Variants in C3orf49 observed in about 807,000 individuals in gnomAD.
C3orf49 encodes the protein chromosome 3 open reading frame 49, also known as putative uncharacterized protein C3orf49.
Under a neutral mutation model 13.3 loss-of-function variants are expected in C3orf49, and 27 were observed. That is an observed-to-expected ratio of 2.02 (90% CI 1.49 to 2.79). The LOEUF (loss-of-function observed/expected upper bound fraction) is 2.79, where lower values mean the gene tolerates loss of function less well. C3orf49 is among the 30% of genes most tolerant of loss of function. The probability of loss-of-function intolerance (pLI) is 0.00; values close to 1 mark genes in which losing one functional copy is unlikely to be tolerated. For synonymous variants in C3orf49, 87 were observed against 47.6 expected (o/e 1.83, Z -3.40); for missense variants, 242 against 134.2 (o/e 1.80, Z -3.97).
At chr3:63,786,514 G>T in the C3orf49 span, among the ~76,000 whole-genome samples, 8,300 of 152,192 alleles carry the variant, frequency 0.055, 455 homozygotes, top group African/African-American at 0.14. Flanking sequence ...GCTTGTTGAT[G>T]GAAAGAATGG....
At chr3:63,792,518 T>C in the C3orf49 span, among the ~76,000 whole-genome samples, 1 of 152,162 alleles carries the variant, frequency 6.6e-6, no homozygotes, top group Non-Finnish European at 1.5e-5. Context: ...CCCTTTCTCT[T>C]GGTGTCACAA....
At chr3:63,828,590 G>A (rs745675414) in intron 3 of C3orf49, among the ~76,000 whole-genome samples, 8 of 152,046 alleles carry the variant, frequency 5.3e-5, no homozygotes, top group Non-Finnish European at 1.0e-4. Flanking sequence ...GTAAGCCACC[G>A]TTACTGGCCA....
chr3:63,837,965 A>G (rs200510475), intron 5 of C3orf49: 9 of 1,605,794 alleles, frequency 5.6e-6, no homozygotes, highest in Non-Finnish European at 7.6e-6. Context: ...TAAATCCCTC[A>G]AAACCCTTAC....
the C3orf49 span, among the ~76,000 whole-genome samples, chr3:63,785,059 CTTCTTCTTTT>C: frequency 1.8e-4 from 21 of 116,262 alleles, no homozygotes; most frequent in African/African-American, 6.4e-4. Context: ...GACTTCTCTT[CTTCTTCTTTT>C]TTTTTTTTTT....
At chr3:63,844,973 A>G (rs766145610) in intron 5 of C3orf49, 50 bp from the exon 6 acceptor site, 8 of 661,876 alleles carry the variant, frequency 1.2e-5, no homozygotes, top group Middle Eastern at 4.9e-4. Context: ...AGAATCATAA[A>G]TAAAGACAAT....
intron 1 of C3orf49, among the ~76,000 whole-genome samples, chr3:63,821,574 A>C (rs1016960258): frequency 6.6e-6 from 1 of 152,164 alleles, no homozygotes; most frequent in Non-Finnish European, 1.5e-5. Flanking sequence ...GTGAATAGTT[A>C]AACAAAGTGT....
chr3:63,817,035 A>T (rs1701332439), upstream of C3orf49, among the ~76,000 whole-genome samples: 1 of 151,624 alleles, frequency 6.6e-6, no homozygotes, highest in Admixed American at 6.6e-5. Flanking sequence ...CGGCCTCCCA[A>T]AGTGCTGGGA....
intron 6 of C3orf49, among the ~76,000 whole-genome samples, chr3:63,845,347 C>T (rs137873055): frequency 2.6e-5 from 4 of 152,226 alleles, no homozygotes; most frequent in East Asian, 1.9e-4. Context: ...TACATTGTTT[C>T]GGCTCCCACT....
At chr3:63,779,934 A>T in the C3orf49 span, 1 of 152,108 alleles carries the variant, frequency 6.6e-6, no homozygotes. Context: ...CCCAATTGGA[A>T]TTTCTTCATC....
chr3:63,795,468 A>G, the C3orf49 span, among the ~76,000 whole-genome samples: 1 of 152,130 alleles, frequency 6.6e-6, no homozygotes, highest in Non-Finnish European at 1.5e-5. Context: ...TTTGTTCAAA[A>G]TGCCAAGAAT....
the C3orf49 span, among the ~76,000 whole-genome samples, chr3:63,791,994 G>A: frequency 1.3e-5 from 2 of 152,172 alleles, no homozygotes; most frequent in African/African-American, 4.8e-5. Flanking sequence ...TACACTCAGA[G>A]ACATACATAC....
intron 5 of C3orf49, 93 bp from the exon 6 acceptor site, chr3:63,844,930 A>AAAATGTGGAAGCTATAATACCTG: frequency 1.7e-6 from 1 of 580,534 alleles, no homozygotes; most frequent in Non-Finnish European, 3.1e-6. Context: ...ATAATACCTG[A>AAAATGTGGAAGCTATAATACCTG]AAATGTGGAA....
At chr3:63,820,159 T>C (rs1445923796) in intron 1 of C3orf49, among the ~76,000 whole-genome samples, 1 of 152,186 alleles carries the variant, frequency 6.6e-6, no homozygotes, top group East Asian at 1.9e-4. Flanking sequence ...AGTGTGGTGA[T>C]TTATTTTCCA....
chr3:63,810,253 C>T, the C3orf49 span, among the ~76,000 whole-genome samples: 1 of 152,058 alleles, frequency 6.6e-6, no homozygotes, highest in African/African-American at 2.4e-5. Flanking sequence ...ATTTCCCACC[C>T]CTGCAGACAC....
chr3:63,840,079 C>T (rs1701726432), intron 5 of C3orf49, among the ~76,000 whole-genome samples: 1 of 152,120 alleles, frequency 6.6e-6, no homozygotes, highest in African/African-American at 2.4e-5. Flanking sequence ...GACATCGTTA[C>T]AGAGTTGGCA....
chr3:63,783,755 A>G, the C3orf49 span, among the ~76,000 whole-genome samples: 1 of 151,800 alleles, frequency 6.6e-6, no homozygotes, highest in East Asian at 1.9e-4. Flanking sequence ...TAATTAATTA[A>G]TTAATTCTGG....
upstream of C3orf49, among the ~76,000 whole-genome samples, chr3:63,815,641 A>C (rs1701315358): frequency 6.6e-6 from 1 of 152,054 alleles, no homozygotes; most frequent in African/African-American, 2.4e-5. Context: ...TTCAACATTA[A>C]ATGTCTCACT....
At chr3:63,803,978 A>C in the C3orf49 span, among the ~76,000 whole-genome samples, 83 of 151,942 alleles carry the variant, frequency 5.5e-4, no homozygotes, top group African/African-American at 1.5e-3. Flanking sequence ...ACAGATCATC[A>C]GGCATTAGGT....
the C3orf49 span, among the ~76,000 whole-genome samples, chr3:63,795,045 A>C: frequency 2.0e-3 from 298 of 152,224 alleles, 2 homozygotes; most frequent in African/African-American, 6.8e-3. Context: ...CAGCCTCTGA[A>C]TTGTTGCTGT....
Sources: gnomAD v4.1 joint callset for allele counts (sites outside exome capture counted in the v4.1 genomes callset) on GRCh38, gnomAD v4.1.1 for gene constraint, MANE v1.5 for transcripts, NCBI Gene and HGNC (gene_info 2026-07-23, HGNC 2026-07-21) for gene names.